Variants in COL13A1 observed in about 807,000 individuals in gnomAD.
COL13A1 encodes the protein collagen type XIII alpha 1 chain.
A neutral mutation model predicts 130.9 loss-of-function variants in COL13A1; 89 were observed. The observed-to-expected ratio is 0.68, with a 90% CI of 0.57 to 0.81. COL13A1 has a LOEUF of 0.81. Among genes scored for constraint, COL13A1 ranks in the 30% least tolerant of loss-of-function variants. The pLI is 0.00. For synonymous variants in COL13A1, 402 were observed against 341.6 expected, an observed-to-expected ratio of 1.18 and a Z score of -1.95; for missense variants, 879 against 934.6, an observed-to-expected ratio of 0.94 and a Z score of 0.78.
intron 10 of COL13A1, among the ~76,000 whole-genome samples, chr10:69,891,320 C>T (rs1476540671): frequency 6.6e-6 from 1 of 152,080 alleles, no homozygotes; most frequent in Non-Finnish European, 1.5e-5. Context: ...TGAACTAGTG[C>T]CTGAAGAATG....
At chr10:69,923,993 T>A (rs986850012) in intron 24 of COL13A1, 138 bp downstream of exon 24, 11 of 1,245,006 alleles carry the variant, frequency 8.8e-6, no homozygotes, top group Middle Eastern at 2.0e-4. Flanking sequence ...TAATTCCTGG[T>A]TGGCTTGGGC....
At chr10:69,835,090 C>T (rs114463000) in intron 2 of COL13A1, among the ~76,000 whole-genome samples, 5,895 of 152,250 alleles carry the variant, frequency 0.039, 379 homozygotes, top group African/African-American at 0.13. Context: ...TGCCCCTTCA[C>T]CCAGGACTCA....
chr10:69,905,630 G>C (rs1428218522), intron 16 of COL13A1, among the ~76,000 whole-genome samples, 157 bp from the exon 17 acceptor site: 1 of 152,228 alleles, frequency 6.6e-6, no homozygotes, highest in African/African-American at 2.4e-5. Context: ...AGGAAGCTAA[G>C]AGCTATTGCT....
At chr10:69,818,002 G>A (rs1845038884) in intron 1 of COL13A1, among the ~76,000 whole-genome samples, 1 of 152,146 alleles carries the variant, frequency 6.6e-6, no homozygotes, top group Admixed American at 6.5e-5. Context: ...GCCTGTGGTA[G>A]CTTTGCCTGC....
rs1390683243 is a variant in COL13A1 at position 69,902,987 on chromosome 10, C to A, written c.858+132C>A. 4.6e-6 allele frequency: 3 copies of A among 646,564 alleles called. 1 individual carries two copies. Among genetic ancestry groups the A allele is most frequent in the East Asian group, 6.1e-5 (2 of 32,580 alleles). 40.1% of individuals were successfully genotyped at this position (646,564 alleles called of 1,614,324 possible). ...GGCAGGGCCATTGGATGTGGGTGAA[C>A]CATGCAAGGGGCTATTCATCCCCAT... On this transcript the variant is annotated intron_variant, in intron 15 of 40. Coordinates refer to ENST00000645393, the MANE Select transcript of COL13A1 (RefSeq NM_001368882.1).
At chr10:69,945,797 GCA>G (rs2068426160) in intron 37 of COL13A1, 73 bp downstream of exon 37, 2 of 1,547,738 alleles carry the variant, frequency 1.3e-6, no homozygotes, top group South Asian at 2.4e-5. Context: ...GGCCGGCCGG[GCA>G]TGGTGGCTCA....
At chr10:69,888,511 C>A (rs1320822001) in intron 9 of COL13A1, among the ~76,000 whole-genome samples, 181 bp downstream of exon 9, 2 of 152,206 alleles carry the variant, frequency 1.3e-5, no homozygotes, top group Non-Finnish European at 1.5e-5. Context: ...CAGTGGCCTT[C>A]CCCAGGGCAC....
intron 31 of COL13A1, among the ~76,000 whole-genome samples, chr10:69,933,610 G>A (rs181766118): frequency 2.4e-4 from 36 of 152,252 alleles, no homozygotes; most frequent in East Asian, 9.6e-4. Flanking sequence ...GCCAAGCCCC[G>A]TCTGAATGTA....
chr10:69,911,710 C>G (rs1038028204), intron 17 of COL13A1, among the ~76,000 whole-genome samples: 3 of 152,238 alleles, frequency 2.0e-5, no homozygotes, highest in African/African-American at 7.2e-5. Flanking sequence ...AGCATGTCTG[C>G]AGAGTCTGCA....
intron 3 of COL13A1, among the ~76,000 whole-genome samples, chr10:69,869,498 C>T (rs2058847622): frequency 6.6e-6 from 1 of 152,204 alleles, no homozygotes; most frequent in African/African-American, 2.4e-5. Context: ...TGGGTGTATC[C>T]TGGGGGCTGG....
chr10:69,894,079 T>C (rs931440201), intron 10 of COL13A1, among the ~76,000 whole-genome samples: 2 of 152,184 alleles, frequency 1.3e-5, no homozygotes, highest in African/African-American at 4.8e-5. Context: ...GCTTTCTCTC[T>C]TTTGCTGAAG....
At chr10:69,902,481 G>A (rs998702814) in intron 14 of COL13A1, among the ~76,000 whole-genome samples, 20 of 152,214 alleles carry the variant, frequency 1.3e-4, no homozygotes, top group African/African-American at 4.1e-4. Context: ...CTGCCCCCCC[G>A]CAGAATGTCT....
rs149868808 is a variant in COL13A1, at chr10:69,954,243, T to C, written c.2145+1275T>C. 1.9e-3 allele frequency among the ~76,000 whole-genome samples: 293 copies of C among 152,332 alleles called. 1 individual carries two copies. Among genetic ancestry groups the C allele is most frequent in the Middle Eastern group, 6.8e-3 (2 of 294 alleles). ...CCACCCTCTTGCATGCAAAGTTTACTGGGATGTTTCCTGGCTTCCTGCTGC... is the reference window on the plus strand; with the variant it reads ...CCACCCTCTTGCATGCAAAGTTTACCGGGATGTTTCCTGGCTTCCTGCTGC... On this transcript the variant is annotated intron_variant, in intron 39 of 40. Coordinates refer to ENST00000645393, the MANE Select transcript of COL13A1 (RefSeq NM_001368882.1).
chr10:69,857,437 TC>T (rs1267598129), intron 2 of COL13A1, among the ~76,000 whole-genome samples: 1 of 152,136 alleles, frequency 6.6e-6, no homozygotes, highest in Non-Finnish European at 1.5e-5. Context: ...AAGCGAAGTG[TC>T]CTCTGAATTG....
At chr10:69,822,502 G>C (rs1846355394) in intron 2 of COL13A1, 64 bp downstream of exon 2, 1 of 1,295,768 alleles carries the variant, frequency 7.7e-7, no homozygotes, top group African/African-American at 1.5e-5. Flanking sequence ...GGCTCTTCCT[G>C]GTGGCCATGC....
At chr10:69,925,260 G>A (rs1384509020) in intron 25 of COL13A1, among the ~76,000 whole-genome samples, 3 of 152,208 alleles carry the variant, frequency 2.0e-5, no homozygotes, top group African/African-American at 7.2e-5. Flanking sequence ...GCAAGTAGCG[G>A]AATAGTTGAT....
chr10:69,946,489 T>A (rs2068557732), intron 37 of COL13A1, among the ~76,000 whole-genome samples: 1 of 152,174 alleles, frequency 6.6e-6, no homozygotes, highest in African/African-American at 2.4e-5. Flanking sequence ...GAGCCCGCAC[T>A]TTAGTTTCCC....
intron 17 of COL13A1, 139 bp from the exon 18 acceptor site, chr10:69,917,150 C>A (rs987243445): frequency 4.0e-6 from 4 of 997,024 alleles, no homozygotes; most frequent in Non-Finnish European, 4.5e-6. Context: ...ACAGCTGCCA[C>A]CAGGGCAGGG....
At position 69,927,076 on chromosome 10, in the gene COL13A1, T is replaced by C; in HGVS notation, c.1399-11T>C. The C allele has an allele frequency of 1.2e-6, 2 of 1,613,838 alleles. No homozygotes were observed. Among genetic ancestry groups the C allele is most frequent in the Non-Finnish European group, 1.7e-6 (2 of 1,179,808 alleles). Reference sequence around the variant, plus strand: ...TGCTCTTCAACTGATTGCCTGGTGTTGGTTTTTTAGGAGATCCGGACGCTG... The same window carrying C: ...TGCTCTTCAACTGATTGCCTGGTGTCGGTTTTTTAGGAGATCCGGACGCTG... On this transcript the variant is annotated splice_polypyrimidine_tract_variant and intron_variant, in intron 26 of 40. Transcript: ENST00000645393.
Sources: allele counts gnomAD v4.1 joint callset (sites outside exome capture counted in the v4.1 genomes callset), GRCh38; gene constraint gnomAD v4.1.1; transcripts MANE v1.5; gene names NCBI Gene and HGNC (gene_info 2026-07-23, HGNC 2026-07-21).